Variants in GPHN observed in about 807,000 individuals in gnomAD.
GPHN encodes the protein gephyrin.
In GPHN, 17 loss-of-function variants were observed where a neutral mutation model predicts 95.5. The observed-to-expected ratio is 0.18, with a 90% CI of 0.12 to 0.27. GPHN has a LOEUF of 0.27. Among genes scored for constraint, GPHN ranks in the 10% least tolerant of loss-of-function variants. The pLI is 1.00. For synonymous variants in GPHN, 320 were observed against 322.5 expected, an observed-to-expected ratio of 0.99 and a Z score of 0.08; for missense variants, 660 against 978.1, an observed-to-expected ratio of 0.67 and a Z score of 4.34.
intron 2 of GPHN, among the ~76,000 whole-genome samples, chr14:66,696,452 T>C (rs757322448): frequency 6.6e-6 from 1 of 152,208 alleles, no homozygotes; most frequent in African/African-American, 2.4e-5. Flanking sequence ...GTTCTTGTTT[T>C]TGTGTGTGTG....
intron 9 of GPHN, chr14:66,969,131 A>G (rs951620102): frequency 2.0e-5 from 3 of 152,130 alleles, no homozygotes; most frequent in Non-Finnish European, 2.9e-5. Flanking sequence ...GTTTGCTGAA[A>G]TTATATCGTA....
At chr14:67,603,067 G>GTTTGGTTTGT in the GPHN span, among the ~76,000 whole-genome samples, 9 of 151,498 alleles carry the variant, frequency 5.9e-5, no homozygotes, top group East Asian at 3.9e-4. Context: ...TTTCTTTCTG[G>GTTTGGTTTGT]TTTGTTTTGT....
chr14:67,012,101 A>G (rs1007012011), intron 9 of GPHN, among the ~76,000 whole-genome samples: 3 of 152,210 alleles, frequency 2.0e-5, no homozygotes, highest in South Asian at 2.1e-4. Flanking sequence ...TACTTTGGAC[A>G]TGGAGGTTAA....
At chr14:67,648,092 C>T in the GPHN span, 39 of 1,613,836 alleles carry the variant, frequency 2.4e-5, no homozygotes, top group East Asian at 8.7e-4. Flanking sequence ...ATGCATTTGA[C>T]CCTACACTGG....
chr14:66,887,500 A>G lies in GPHN; in HGVS notation c.389+7467A>G, dbSNP rs111955204. 3.1e-3 allele frequency among the ~76,000 whole-genome samples: 471 copies of G among 152,168 alleles called. 11 individuals are homozygous for G. The highest frequency in any genetic ancestry group is 0.011 in the African/African-American group (446 of 41,526). On this transcript the variant is annotated intron_variant, in intron 5 of 22. Coordinates refer to ENST00000478722, the MANE Select transcript of GPHN (RefSeq NM_020806.5). ...TGAGGCAGGAGAATCGCTTGAACCT[A>G]GGAGGTGGAGGTTGCAGTGAGCTGA... is the stretch of plus-strand genomic sequence containing the variant.
intron 17 of GPHN, among the ~76,000 whole-genome samples, chr14:67,129,652 A>T (rs932474211): frequency 1.3e-5 from 2 of 152,200 alleles, no homozygotes; most frequent in Admixed American, 6.5e-5. Context: ...TCCAAGCATA[A>T]AAAGTATTTC....
At chr14:67,576,359 C>A in the GPHN span, 1 of 1,220,660 alleles carries the variant, frequency 8.2e-7, no homozygotes, top group Non-Finnish European at 1.2e-6. This position sits in a 1 kb window ranked among gnomAD's most constrained non-coding sequence, Gnocchi z 4.0. Context: ...CTCTTCCCAC[C>A]CCGTCCCCAT....
At chr14:67,416,262 C>T in the GPHN span, among the ~76,000 whole-genome samples, 56 of 152,204 alleles carry the variant, frequency 3.7e-4, no homozygotes, top group Non-Finnish European at 1.2e-4. Flanking sequence ...CCCCCACTTG[C>T]GTAAGCTGTG....
the GPHN span, among the ~76,000 whole-genome samples, chr14:67,245,350 G>A: frequency 8.4e-4 from 128 of 152,252 alleles, 2 homozygotes; most frequent in African/African-American, 2.9e-3. Flanking sequence ...CATTTTAGTA[G>A]TATCTCGTTG....
chr14:67,410,518 G>A, the GPHN span, among the ~76,000 whole-genome samples: 4 of 152,178 alleles, frequency 2.6e-5, no homozygotes, highest in Admixed American at 6.5e-5. Context: ...GCAAGTGGGC[G>A]TGGCGCTTTG....
Position 67,053,506 on chromosome 14 carries a change from G to T in GPHN, c.1007-5143G>T, listed in dbSNP as rs529291419. Reference sequence around the variant, plus strand: ...AACCAAAAAAAGCCCAGGACCAGATGGATTCACAGCCGAATTCTACGAGAG... The same window carrying T: ...AACCAAAAAAAGCCCAGGACCAGATTGATTCACAGCCGAATTCTACGAGAG... On this transcript the variant is annotated intron_variant, in intron 10 of 22. Transcript: ENST00000478722. 6.6e-5 allele frequency among the ~76,000 whole-genome samples: 10 copies of T among 152,232 alleles called. No homozygotes were observed. The East Asian group carries it at 1.7e-3, about 26-fold the overall frequency.
chr14:67,646,788 G>A, the GPHN span: 8 of 1,519,508 alleles, frequency 5.3e-6, no homozygotes, highest in Non-Finnish European at 7.3e-6. Context: ...AGCCAATTAT[G>A]TTCTATTTGA....
chr14:66,972,598 T>C (rs1348925745), intron 9 of GPHN, among the ~76,000 whole-genome samples: 1 of 151,884 alleles, frequency 6.6e-6, no homozygotes, highest in African/African-American at 2.4e-5. Context: ...GCTCAAGTTT[T>C]AATTAATTTA....
At position 66,628,681 on chromosome 14, in the gene GPHN, T is replaced by C. The variant is rs1211092989; in HGVS notation, c.65-52426T>C. Among the ~76,000 whole-genome samples, 5 of 152,278 alleles carry C rather than the reference T, an allele frequency of 3.3e-5. No homozygotes were observed. The East Asian group carries it at 9.7e-4, about 29-fold the overall frequency. ...TCTTTCTTCAATAATAAATTTACTT[T>C]AGCTTACTTTAATTTTTTTAGTTTA... is the stretch of plus-strand genomic sequence containing the variant. On this transcript the variant is annotated intron_variant, in intron 1 of 22. Coordinates refer to ENST00000478722, the MANE Select transcript of GPHN (RefSeq NM_020806.5).
chr14:67,492,074 T>A, the GPHN span, among the ~76,000 whole-genome samples: 3 of 152,052 alleles, frequency 2.0e-5, no homozygotes, highest in Non-Finnish European at 4.4e-5. Context: ...CCTTTCCCTC[T>A]CCTCTCCCCC....
the GPHN span, chr14:67,572,135 G>T: frequency 6.2e-7 from 1 of 1,605,314 alleles, no homozygotes; most frequent in Non-Finnish European, 8.5e-7. Context: ...CCTCGGCAAG[G>T]CGTCTCCATG....
At chr14:66,624,516 C>G (rs1032056861) in intron 1 of GPHN, among the ~76,000 whole-genome samples, 2 of 152,122 alleles carry the variant, frequency 1.3e-5, no homozygotes, top group Non-Finnish European at 2.9e-5. Context: ...TAATGGTGTC[C>G]ACTGGGTGGC....
intron 9 of GPHN, among the ~76,000 whole-genome samples, chr14:66,996,763 T>G (rs1302302071): frequency 6.6e-6 from 1 of 152,128 alleles, no homozygotes; most frequent in Non-Finnish European, 1.5e-5. Flanking sequence ...ACTTTAATAA[T>G]TTTTTGCTAC....
intron 10 of GPHN, among the ~76,000 whole-genome samples, chr14:67,039,847 G>A (rs1389323111): frequency 1.3e-5 from 2 of 152,122 alleles, no homozygotes; most frequent in African/African-American, 2.4e-5. Context: ...ATATTGACCA[G>A]AATAAAGTTT....
Sources: gnomAD v4.1 joint callset for allele counts (sites outside exome capture counted in the v4.1 genomes callset) on GRCh38, gnomAD v4.1.1 for gene constraint, Gnocchi (gnomAD v3.1) non-coding constraint, MANE v1.5 for transcripts, NCBI Gene and HGNC (gene_info 2026-07-23, HGNC 2026-07-21) for gene names.